The following SH3D19 variants were observed in gnomAD, a reference collection of about 807,000 sequenced individuals.
SH3D19 encodes the protein SH3 domain-containing protein 19.
SH3D19 carries 58 observed loss-of-function variants against 112.1 expected under a neutral mutation model. That is an observed-to-expected ratio of 0.52 (90% CI 0.42 to 0.64). The LOEUF (loss-of-function observed/expected upper bound fraction) is 0.64. Among genes scored for constraint, SH3D19 ranks in the 30% least tolerant of loss-of-function variants. The pLI, the probability that SH3D19 is intolerant of heterozygous loss-of-function variation, is 0.00. For synonymous variants in SH3D19, 391 were observed against 448.5 expected, an observed-to-expected ratio of 0.87 and a Z score of 1.62; for missense variants, 1,090 against 1,263.4, an observed-to-expected ratio of 0.86 and a Z score of 2.08.
chr4:151,164,292 G>A (rs1303117305), intron 8 of SH3D19, among the ~76,000 whole-genome samples: 1 of 152,136 alleles, frequency 6.6e-6, no homozygotes, highest in East Asian at 1.9e-4. Flanking sequence ...GAAATCAGAT[G>A]CCCGCAGAGA....
chr4:151,167,279 CTTTAA>C (rs1386655288), intron 7 of SH3D19, among the ~76,000 whole-genome samples: 2 of 151,820 alleles, frequency 1.3e-5, no homozygotes, highest in African/African-American at 4.8e-5. Flanking sequence ...TTCCTTAATT[CTTTAA>C]TTTATTATAA....
At chr4:151,280,729 T>C (rs1774135680) in intron 1 of SH3D19, among the ~76,000 whole-genome samples, 1 of 151,970 alleles carries the variant, frequency 6.6e-6, no homozygotes, top group African/African-American at 2.4e-5. Flanking sequence ...AGTTCAAGGC[T>C]GCAGTGACCT....
intron 2 of SH3D19, among the ~76,000 whole-genome samples, chr4:151,222,167 T>TC (rs1768164126): frequency 6.6e-6 from 1 of 152,176 alleles, no homozygotes; most frequent in Non-Finnish European, 1.5e-5. Context: ...CAGAAATATA[T>TC]CCCCCTCCAA....
chr4:151,195,389 A>G (rs1233944745), intron 2 of SH3D19, among the ~76,000 whole-genome samples: 3 of 141,082 alleles, frequency 2.1e-5, no homozygotes, highest in African/African-American at 9.2e-5. Context: ...AAAAAAAAAA[A>G]AAAAAAAAGA....
intron 2 of SH3D19, among the ~76,000 whole-genome samples, chr4:151,205,112 G>A (rs1369628929): frequency 6.6e-6 from 1 of 152,094 alleles, no homozygotes; most frequent in Non-Finnish European, 1.5e-5. Context: ...TGAGCCAAGG[G>A]TGCCCGGCCA....
intron 1 of SH3D19, among the ~76,000 whole-genome samples, chr4:151,232,484 C>T (rs759004317): frequency 2.0e-5 from 3 of 152,252 alleles, no homozygotes; most frequent in Non-Finnish European, 2.9e-5. Context: ...TGTCAGCTGC[C>T]GTCATGTTGT....
At chr4:151,319,215 A>AT (rs1730307265) in intron 1 of SH3D19, among the ~76,000 whole-genome samples, 1 of 152,050 alleles carries the variant, frequency 6.6e-6, no homozygotes, top group Non-Finnish European at 1.5e-5. Context: ...CATCTGGCTA[A>AT]TTTTTTGTAT....
chr4:151,174,549 G>A, intron 7 of SH3D19, 121 bp downstream of exon 7: 1 of 808,832 alleles, frequency 1.2e-6, no homozygotes, highest in Non-Finnish European at 1.8e-6. Context: ...ACACATGCAT[G>A]TGCACATACT....
intron 1 of SH3D19, among the ~76,000 whole-genome samples, chr4:151,229,152 A>G (rs941049270): frequency 3.3e-5 from 5 of 151,740 alleles, no homozygotes; most frequent in Non-Finnish European, 5.9e-5. Flanking sequence ...GATTGCAGGC[A>G]TGAGCCACTG....
chr4:151,146,945 TAACTATTAAATGGACCACGATA>T (rs995898797), intron 11 of SH3D19, among the ~76,000 whole-genome samples: 67 of 152,278 alleles, frequency 4.4e-4, no homozygotes, highest in African/African-American at 1.6e-3. Flanking sequence ...TTCTAACTGG[TAACTATTAAATGGACCACGATA>T]ATTATTGGGC....
intron 1 of SH3D19, among the ~76,000 whole-genome samples, chr4:151,265,569 CTTTTTTTT>C (rs763878307): frequency 4.8e-5 from 6 of 126,112 alleles, no homozygotes; most frequent in South Asian, 4.7e-4. Flanking sequence ...TATTTCTTTT[CTTTTTTTT>C]TTTTTTTTTT....
At position 151,185,111 on chromosome 4, in the gene SH3D19, G is replaced by A. The variant is rs78764156; in HGVS notation, c.193+2312C>T. Among the ~76,000 whole-genome samples the A allele has an allele frequency of 3.0e-3, 392 of 132,512 alleles. 1 individual carries two copies. Among genetic ancestry groups the A allele is most frequent in the African/African-American group, 0.011 (379 of 33,682 alleles). The allele number at this position is 132,512 out of a possible 152,430, so 86.9% of individuals were successfully genotyped here. A position where few individuals can be genotyped will look rare whatever the true frequency, so the allele number is the denominator to read the frequency against. On this transcript the variant is annotated intron_variant, in intron 3 of 19. Transcript: ENST00000604030. Reference sequence around the variant, plus strand: ...TTAAGCTTTTATTGCCCATGTCTTCGCTGAGCAAGATCTATCTTGGGGGAT... The same window carrying A: ...TTAAGCTTTTATTGCCCATGTCTTCACTGAGCAAGATCTATCTTGGGGGAT...
intron 1 of SH3D19, among the ~76,000 whole-genome samples, chr4:151,289,013 G>A (rs1775079522): frequency 6.6e-6 from 1 of 152,230 alleles, no homozygotes. Flanking sequence ...TCAAGCCAGT[G>A]TGGTACTAGC....
At chr4:151,147,761 C>A (rs965003238) in intron 11 of SH3D19, among the ~76,000 whole-genome samples, 161 bp downstream of exon 11, 4 of 152,214 alleles carry the variant, frequency 2.6e-5, no homozygotes, top group African/African-American at 9.7e-5. Context: ...CTGTGCCCAA[C>A]CAAGACCTAG....
chr4:151,201,517 A>C (rs1030353209), intron 2 of SH3D19, among the ~76,000 whole-genome samples: 2 of 152,236 alleles, frequency 1.3e-5, no homozygotes, highest in Admixed American at 6.5e-5. Context: ...CTATTCAAAG[A>C]GATTACAGTT....
chr4:151,136,190 C>G (rs1197901202), intron 14 of SH3D19, among the ~76,000 whole-genome samples: 1 of 152,152 alleles, frequency 6.6e-6, no homozygotes, highest in Non-Finnish European at 1.5e-5. Flanking sequence ...CTCTGTTGCC[C>G]AGGCTGGAGT....
At chr4:151,239,681 ATG>A (rs1272672991) in intron 1 of SH3D19, among the ~76,000 whole-genome samples, 1 of 152,240 alleles carries the variant, frequency 6.6e-6, no homozygotes, top group Non-Finnish European at 1.5e-5. Context: ...TCTAAAAAAT[ATG>A]TTGACAGAAT....
chr4:151,188,279 T>G (rs1466412801), intron 2 of SH3D19, among the ~76,000 whole-genome samples: 2 of 152,220 alleles, frequency 1.3e-5, no homozygotes, highest in Non-Finnish European at 2.9e-5. Context: ...AAGCGAGGAC[T>G]GTAATATAAA....
chr4:151,268,878 G>GA (rs1773022025), intron 1 of SH3D19, among the ~76,000 whole-genome samples: 1 of 151,876 alleles, frequency 6.6e-6, no homozygotes, highest in Non-Finnish European at 1.5e-5. Flanking sequence ...CTTTGCTATT[G>GA]AGAATAGTGC....
Sources: gnomAD v4.1 joint callset for allele counts (sites outside exome capture counted in the v4.1 genomes callset) on GRCh38, gnomAD v4.1.1 for gene constraint, MANE v1.5 for transcripts, NCBI Gene and HGNC (gene_info 2026-07-23, HGNC 2026-07-21) for gene names.